TNRC6B: variants seen among roughly 807,000 people sequenced by gnomAD.
TNRC6B encodes trinucleotide repeat containing adaptor 6B, also known as trinucleotide repeat-containing gene 6B protein.
A neutral mutation model predicts 203.6 loss-of-function variants in TNRC6B; 52 were observed. The ratio of observed to expected loss-of-function variants is 0.26; its 90% CI spans 0.20 to 0.32. The LOEUF (loss-of-function observed/expected upper bound fraction) is 0.32. Ranked by LOEUF, TNRC6B falls within the 10% of genes least tolerant of loss-of-function variation. TNRC6B has a pLI of 1.00. For missense variants in TNRC6B, 1,923 were observed against 2,286.2 expected (o/e 0.84, Z 3.24); for synonymous variants, 838 against 845.7 (o/e 0.99, Z 0.16).
chr22:40,148,613 G>C (rs1382919160), intron 3 of TNRC6B, among the ~76,000 whole-genome samples: 1 of 118,876 alleles, frequency 8.4e-6, no homozygotes, highest in Non-Finnish European at 1.8e-5. Flanking sequence ...GTTAAAACAT[G>C]TAACTACCAT....
At position 40,276,297 on chromosome 22, in the gene TNRC6B, G is replaced by A. The variant is rs529881156; in HGVS notation, c.3142-780G>A. Among the ~76,000 whole-genome samples, 15 of 151,558 alleles carry A rather than the reference G, an allele frequency of 9.9e-5. No homozygotes were observed. The South Asian group carries it at 3.1e-3, about 32-fold the overall frequency. On this transcript the variant is annotated intron_variant, in intron 7 of 22. Transcript: ENST00000454349. Reference sequence around the variant, plus strand: ...GGGAGGCAAAGCTTGCAGTGAGTTGGGATGGCACCACTGCACTCTAGCCTG... The same window carrying A: ...GGGAGGCAAAGCTTGCAGTGAGTTGAGATGGCACCACTGCACTCTAGCCTG...
At chr22:40,098,813 G>C (rs923488473) in intron 1 of TNRC6B, among the ~76,000 whole-genome samples, 1 of 151,800 alleles carries the variant, frequency 6.6e-6, no homozygotes, top group African/African-American at 2.4e-5. Context: ...CTGCAATCTC[G>C]AACTCCTGGG....
intron 3 of TNRC6B, among the ~76,000 whole-genome samples, chr22:40,260,774 G>A (rs2070368819): frequency 6.6e-6 from 1 of 152,180 alleles, no homozygotes; most frequent in African/African-American, 2.4e-5. Flanking sequence ...GGGAGTGAAT[G>A]TTGATTGCTT....
intron 1 of TNRC6B, among the ~76,000 whole-genome samples, chr22:40,081,287 A>G (rs2068061690): frequency 7.1e-6 from 1 of 140,876 alleles, no homozygotes; most frequent in Non-Finnish European, 1.5e-5. Flanking sequence ...GGTACATGAT[A>G]TTCCTTTAAG....
At chr22:40,115,861 C>A (rs2068382538) in intron 1 of TNRC6B, among the ~76,000 whole-genome samples, 1 of 152,126 alleles carries the variant, frequency 6.6e-6, no homozygotes, top group Non-Finnish European at 1.5e-5. Context: ...TAGTTATTGA[C>A]TGAATTTAGG....
chr22:40,322,757 A>C (rs2071351820), intron 22 of TNRC6B, 97 bp from the exon 23 acceptor site: 1 of 1,414,430 alleles, frequency 7.1e-7, no homozygotes, highest in East Asian at 2.3e-5. Context: ...TTCTAGTCAA[A>C]GGACTGCACA....
At chr22:40,313,064 A>T in intron 19 of TNRC6B, 67 bp downstream of exon 19, 1 of 1,242,286 alleles carries the variant, frequency 8.0e-7, no homozygotes, top group East Asian at 2.4e-5. Context: ...TTTATAAAGG[A>T]AACTGGCATG....
chr22:40,077,866 ACTAT>A (rs1417471186), intron 1 of TNRC6B, among the ~76,000 whole-genome samples: 3 of 152,126 alleles, frequency 2.0e-5, no homozygotes, highest in African/African-American at 4.8e-5. Flanking sequence ...GTGTGCTGTG[ACTAT>A]CTTTCTGTGT....
intron 19 of TNRC6B, among the ~76,000 whole-genome samples, chr22:40,314,791 A>G (rs1193018097): frequency 1.3e-5 from 2 of 152,194 alleles, no homozygotes; most frequent in African/African-American, 2.4e-5. Flanking sequence ...CTTAGTGAAT[A>G]TTTCTTGATT....
chr22:40,200,410 C>T (rs2069397070), intron 1 of TNRC6B, among the ~76,000 whole-genome samples: 1 of 149,580 alleles, frequency 6.7e-6, no homozygotes, highest in Non-Finnish European at 1.5e-5. Context: ...CCTCAGCCTC[C>T]CGAGTAGCTG....
At chr22:40,309,808 C>G (rs1399283651) in intron 16 of TNRC6B, among the ~76,000 whole-genome samples, 2 of 152,204 alleles carry the variant, frequency 1.3e-5, no homozygotes, top group Non-Finnish European at 2.9e-5. Flanking sequence ...TCATTTTCCA[C>G]TGCTTCACCA....
rs1428496402 is a variant in TNRC6B, at chr22:40,156,070, T to C, written c.46-45T>C. ...GTGTGGGTTCTTGGAGTGAGTCGCATTGTAGTTACTGACTGCTGCTGACCT... is the reference window on the plus strand; with the variant it reads ...GTGTGGGTTCTTGGAGTGAGTCGCACTGTAGTTACTGACTGCTGCTGACCT... On this transcript the variant is annotated intron_variant, in intron 3 of 23. Coordinates refer to the TNRC6B transcript ENST00000301923. 3.2e-6 allele frequency: 5 copies of C among 1,538,610 alleles called. No individual in the cohort carries two copies. In the Admixed American group the frequency reaches 5.9e-5, roughly 18 times the overall value.
rs373565115 is a variant in TNRC6B, at chr22:40,069,504, T to C, written c.-121+24506T>C. Among the ~76,000 whole-genome samples the C allele has an allele frequency of 1.3e-4, 19 of 151,806 alleles. 2 individuals carry two copies. The highest frequency in any genetic ancestry group is 9.8e-4 in the Admixed American group (15 of 15,246). ...TTTTTTTTTTTAATTTTTTTTTTTTTGAGATGGAGTTTCGCTCTCATTGCC... is the reference window on the plus strand; with the variant it reads ...TTTTTTTTTTTAATTTTTTTTTTTTCGAGATGGAGTTTCGCTCTCATTGCC... On this transcript the variant is annotated intron_variant, in intron 1 of 23. Coordinates refer to the TNRC6B transcript ENST00000301923.
At chr22:40,048,352 A>G (rs1023975674) in intron 1 of TNRC6B, among the ~76,000 whole-genome samples, 2 of 152,146 alleles carry the variant, frequency 1.3e-5, no homozygotes, top group African/African-American at 2.4e-5. Flanking sequence ...CATTCTGGCC[A>G]ATATGGTGAA....
At chr22:40,053,160 TAAAA>T (rs76520904) in intron 1 of TNRC6B, among the ~76,000 whole-genome samples, 3,487 of 135,510 alleles carry the variant, frequency 0.026, 121 homozygotes, top group African/African-American at 0.086. Flanking sequence ...AGATTTTCTT[TAAAA>T]AAAAAAAAAA....
chr22:40,325,693 A>G lies in TNRC6B; in HGVS notation c.*2452A>G, dbSNP rs1266326683. On this transcript the variant is annotated 3_prime_UTR_variant, in exon 23 of 23. Transcript: ENST00000454349. ...GTCGTGCGGTGACCACCAGGTGAAG[A>G]GCAGCTTGTATTCAGACATCTAGAG... 6.6e-6 allele frequency: 1 copy of G among 152,660 alleles called. No individual in the cohort carries two copies. The highest frequency in any genetic ancestry group is 1.5e-5 in the Non-Finnish European group (1 of 68,074). The allele number at this position is 152,660 out of a possible 1,614,324, so 9.5% of individuals were successfully genotyped here. A position where few individuals can be genotyped will look rare whatever the true frequency, so the allele number is the denominator to read the frequency against.
At chr22:40,258,795 A>C (rs964210977) in intron 3 of TNRC6B, among the ~76,000 whole-genome samples, 5 of 152,214 alleles carry the variant, frequency 3.3e-5, no homozygotes, top group Non-Finnish European at 7.3e-5. Context: ...GGAATCTTAC[A>C]TGATACGTGA....
intron 2 of TNRC6B, among the ~76,000 whole-genome samples, chr22:40,124,633 T>G (rs1256310758): frequency 6.6e-6 from 1 of 152,122 alleles, no homozygotes; most frequent in Non-Finnish European, 1.5e-5. Context: ...AGTTTTTATG[T>G]TTTGTAGCTA....
At chr22:40,312,803 C>A in intron 18 of TNRC6B, 99 bp from the exon 19 acceptor site, 3 of 1,465,222 alleles carry the variant, frequency 2.0e-6, no homozygotes, top group South Asian at 2.4e-5. Flanking sequence ...CATATTTTGT[C>A]CTCCATTCTA....
Sources: gnomAD v4.1 joint callset for allele counts (sites outside exome capture counted in the v4.1 genomes callset) on GRCh38, gnomAD v4.1.1 for gene constraint, MANE v1.5 for transcripts, NCBI Gene and HGNC (gene_info 2026-07-23, HGNC 2026-07-21) for gene names.